The following CARS2 variants were observed in gnomAD, a reference collection of about 807,000 sequenced individuals.
CARS2 encodes cysteinyl-tRNA synthetase 2, mitochondrial.
In CARS2, 52 loss-of-function variants were observed where a neutral mutation model predicts 68.8. The ratio of observed to expected loss-of-function variants is 0.76; its 90% CI spans 0.61 to 0.95. The LOEUF (loss-of-function observed/expected upper bound fraction) is 0.95, where lower values mean the gene tolerates loss of function less well. CARS2 is among the 40% of genes least tolerant of loss of function. CARS2 has a pLI of 0.00. For missense variants in CARS2, 780 were observed against 754.2 expected, an observed-to-expected ratio of 1.03 and a Z score of -0.40; for synonymous variants, 314 against 303.6, an observed-to-expected ratio of 1.03 and a Z score of -0.36.
rs2062632392 is a variant in CARS2 at position 110,665,784 on chromosome 13, T to G, written c.919+1556A>C. The G allele has an allele frequency of 1.0e-6, 1 of 985,244 alleles. No individual in the cohort carries two copies. The allele number at this position is 985,244 out of a possible 1,614,324, so 61.0% of individuals were successfully genotyped here. ...GGCAATCAGCCTCATCTATTTACTT[T>G]CATGAAGAAACCCAAGTGAACCCTG... On this transcript the variant is annotated intron_variant, in intron 8 of 14. Coordinates refer to ENST00000257347, the MANE Select transcript of CARS2 (RefSeq NM_024537.4). This position sits in a 1 kb window ranked among gnomAD's most constrained non-coding sequence, Gnocchi z 4.3.
rs552219718 is a variant in CARS2, at chr13:110,676,227, C to T, written c.785+747G>A. Among the ~76,000 whole-genome samples, 28 of 152,316 alleles carry T rather than the reference C, an allele frequency of 1.8e-4. No individual in the cohort carries two copies. The highest frequency in any genetic ancestry group is 6.5e-4 in the African/African-American group (27 of 41,580). ...GCAGCTGTGCAGCACGGGGCACGGG[C>T]GGTATGCTGTCTTTCACACACCCCA... On this transcript the variant is annotated intron_variant, in intron 7 of 14. Coordinates refer to ENST00000257347, the MANE Select transcript of CARS2 (RefSeq NM_024537.4). This position sits in a 1 kb window ranked among gnomAD's most constrained non-coding sequence, Gnocchi z 4.0.
intron 3 of CARS2, among the ~76,000 whole-genome samples, chr13:110,691,292 A>C (rs1037828739): frequency 3.9e-5 from 6 of 152,238 alleles, no homozygotes; most frequent in African/African-American, 1.4e-4. Flanking sequence ...CTGGGATTAC[A>C]GATGTGAGTC....
intron 1 of CARS2, chr13:110,712,895 G>C: frequency 6.7e-7 from 1 of 1,483,930 alleles, no homozygotes; most frequent in Non-Finnish European, 9.2e-7. Flanking sequence ...ACCGGGAGAC[G>C]ACACAAAGGG....
upstream of CARS2, chr13:110,706,187 CCCACGCCCTTGGGG>C (rs1456915573): frequency 1.1e-6 from 1 of 951,274 alleles, no homozygotes; most frequent in Non-Finnish European, 1.3e-6. Context: ...CCCCGCCCCG[CCCACGCCCTTGGGG>C]CCACGCCCAC....
In CARS2 at chr13:110,653,472, C is replaced by G. The variant is rs1280092242; in HGVS notation, c.988-2372G>C. On this transcript the variant is annotated intron_variant, in intron 9 of 14. Coordinates refer to ENST00000257347, the MANE Select transcript of CARS2 (RefSeq NM_024537.4). The surrounding 1 kb of genome is among the most constrained non-coding windows in gnomAD (Gnocchi z 5.6). The stretch of plus-strand genomic sequence containing the variant: ...AGTTCAGGTTGCGCCCTATTTAGGT[C>G]TCCGGGTTTCGGTGTGGAAACACCA... Among the ~76,000 whole-genome samples the G allele has an allele frequency of 2.0e-5, 3 of 152,182 alleles. No homozygotes were observed. Among genetic ancestry groups the G allele is most frequent in the Non-Finnish European group, 4.4e-5 (3 of 68,034 alleles).
At chr13:110,713,443 A>G (rs1594449605) in exon 1 of CARS2, 18 of 995,168 alleles carry the variant, frequency 1.8e-5, no homozygotes, top group Non-Finnish European at 2.0e-5. Flanking sequence ...AACTCCTAGT[A>G]AAGTTTGCGC....
chr13:110,690,100 C>T (rs774990222), intron 3 of CARS2, among the ~76,000 whole-genome samples: 12 of 152,192 alleles, frequency 7.9e-5, no homozygotes, highest in East Asian at 1.9e-4. Context: ...TGGTGGCAGG[C>T]GCCTGTAATC....
chr13:110,667,706 A>T (rs2062687683), intron 7 of CARS2, among the ~76,000 whole-genome samples: 1 of 152,188 alleles, frequency 6.6e-6, no homozygotes. Context: ...TTTTTGCTCC[A>T]GGTTCTTTTT....
Position 110,687,599 on chromosome 13 carries a change from A to G in CARS2, c.571+122T>C, listed in dbSNP as rs1181961069. 4.7e-6 allele frequency: 3 copies of G among 633,014 alleles called. No homozygotes were observed. The East Asian group carries it at 8.1e-5, about 17-fold the overall frequency. 39.2% of individuals were successfully genotyped at this position (633,014 alleles called of 1,614,324 possible). A position where few individuals can be genotyped will look rare whatever the true frequency, so the allele number is the denominator to read the frequency against. On this transcript the variant is annotated intron_variant, in intron 5 of 14. Transcript: ENST00000257347. The stretch of plus-strand genomic sequence containing the variant: ...GAGGCTGAGACGGGAGAATCGCTTG[A>G]ACCAGGGAGGCAGAGGTTGCAGTGA...
At chr13:110,699,950 C>G (rs1183559803) in intron 3 of CARS2, among the ~76,000 whole-genome samples, 1 of 152,232 alleles carries the variant, frequency 6.6e-6, no homozygotes, top group Admixed American at 6.5e-5. Context: ...GGGCCAGACT[C>G]CAGTGGGGCC....
At chr13:110,643,138 A>G in intron 13 of CARS2, 1 of 221,602 alleles carries the variant, frequency 4.5e-6, no homozygotes, top group Non-Finnish European at 9.3e-6. Flanking sequence ...TATTGCTTCC[A>G]TGATAAAAGA....
chr13:110,711,182 T>C (rs1002942354), upstream of CARS2, among the ~76,000 whole-genome samples: 3 of 152,204 alleles, frequency 2.0e-5, no homozygotes, highest in African/African-American at 7.2e-5. Flanking sequence ...TTCGACATAA[T>C]GTTTGTTTCC....
chr13:110,657,739 C>G (rs401084), intron 9 of CARS2, among the ~76,000 whole-genome samples: 62,305 of 152,052 alleles, frequency 0.41, 13,305 homozygotes, highest in African/African-American at 0.52. Context: ...AGGGTGGAAG[C>G]TTATTAGGAA....
In CARS2 at chr13:110,702,985, C is replaced by T. The variant is rs1284064147; in HGVS notation, c.276-1430G>A. Among the ~76,000 whole-genome samples the T allele has an allele frequency of 6.6e-5, 10 of 152,106 alleles. No individual in the cohort carries two copies. The East Asian group carries it at 1.3e-3, about 21-fold the overall frequency. Reference sequence around the variant, plus strand: ...CCCTCAAAACGCTCCAGTGTGACTCCGTCTACCATGGCATGAAATCCAAAC... The same window carrying T: ...CCCTCAAAACGCTCCAGTGTGACTCTGTCTACCATGGCATGAAATCCAAAC... On this transcript the variant is annotated intron_variant, in intron 2 of 14. Transcript: ENST00000257347.
chr13:110,646,346 A>G (rs1313874080), intron 11 of CARS2: 1 of 354,692 alleles, frequency 2.8e-6, no homozygotes, highest in African/African-American at 2.1e-5. Flanking sequence ...ACACGTGGGC[A>G]TTTTCATGAT....
chr13:110,642,247 A>G (rs775334060), intron 14 of CARS2, 68 bp downstream of exon 14: 93 of 1,239,302 alleles, frequency 7.5e-5, no homozygotes, highest in Non-Finnish European at 1.0e-4. Context: ...TGGGCCTCTG[A>G]TGGCCCCACG....
upstream of CARS2, among the ~76,000 whole-genome samples, chr13:110,708,047 T>C (rs1453258276): frequency 3.3e-5 from 5 of 152,244 alleles, no homozygotes; most frequent in Non-Finnish European, 7.4e-5. Context: ...ATTTTGTAAC[T>C]TTCCAGTGCT....
chr13:110,677,019 C>T lies in CARS2; in HGVS notation c.740G>A (p.Gly247Glu), dbSNP rs2062970930. The T allele has an allele frequency of 1.2e-6, 2 of 1,603,856 alleles. No individual in the cohort carries two copies. Among genetic ancestry groups the T allele is most frequent in the Non-Finnish European group, 8.5e-7 (1 of 1,172,450 alleles). The change falls in exon 7 of 15, where the codon GGA (glycine) becomes GAA (glutamate). Residue 247 changes from glycine (G) to glutamate (E), a missense_variant. By Grantham distance (98) the Gly-to-Glu change is moderately conservative. Transcript: ENST00000257347. Reference protein sequence around the residue: ...PQEVFWASPWGPGRPGWHIEC... With the variant: ...PQEVFWASPWEPGRPGWHIEC... The stretch of plus-strand genomic sequence containing the variant: ...GATGTGCCAGCCCGGCCTCCCGGGT[C>T]CCCAGGGAGAGGCCCAGAACACCTC...
At chr13:110,704,618 G>A (rs1474531996) in intron 2 of CARS2, among the ~76,000 whole-genome samples, 1 of 152,110 alleles carries the variant, frequency 6.6e-6, no homozygotes, top group Non-Finnish European at 1.5e-5. Context: ...CAGCTACTCC[G>A]GAGGCTGAGG....
Sources: gnomAD v4.1 joint callset for allele counts (sites outside exome capture counted in the v4.1 genomes callset) on GRCh38, gnomAD v4.1.1 for gene constraint, Gnocchi (gnomAD v3.1) non-coding constraint, MANE v1.5 for transcripts, NCBI Gene and HGNC (gene_info 2026-07-23, HGNC 2026-07-21) for gene names.